Variants in PDE6A observed in about 807,000 individuals in gnomAD.
PDE6A encodes the protein phosphodiesterase 6A.
PDE6A carries 84 observed loss-of-function variants against 106.3 expected under a neutral mutation model. The observed-to-expected ratio is 0.79, with a 90% CI of 0.66 to 0.95. The LOEUF is 0.95. Among genes scored for constraint, PDE6A ranks in the 40% least tolerant of loss-of-function variants. PDE6A has a pLI of 0.00. For synonymous variants in PDE6A, 394 were observed against 386.6 expected, an observed-to-expected ratio of 1.02 and a Z score of -0.23; for missense variants, 1,052 against 1,084.9, an observed-to-expected ratio of 0.97 and a Z score of 0.43.
chr5:149,906,088 G>T (rs1237159106), intron 7 of PDE6A, among the ~76,000 whole-genome samples: 4 of 151,804 alleles, frequency 2.6e-5, no homozygotes, highest in Non-Finnish European at 4.4e-5. Flanking sequence ...AAACTCCTGG[G>T]CTCAAGTGAT....
In PDE6A at chr5:149,944,777, T is replaced by C. The variant is rs1754421401; in HGVS notation, c.-104A>G. On this transcript the variant is annotated 5_prime_UTR_variant, in exon 1 of 22. Transcript: ENST00000255266. ...GTCCAGTCTGGACTTCTCTGGGTCT[T>C]GTCTGCAAAACATACTGAGATGGCC... 3 of 863,888 alleles carry C rather than the reference T, an allele frequency of 3.5e-6. No homozygotes were observed. The highest frequency in any genetic ancestry group is 2.0e-5 in the Admixed American group (1 of 50,242). The allele number at this position is 863,888 out of a possible 1,614,324, so 53.5% of individuals were successfully genotyped here. A position where few individuals can be genotyped will look rare whatever the true frequency, so the allele number is the denominator to read the frequency against.
chr5:149,868,063 GC>G (rs755625234), intron 18 of PDE6A, 31 bp downstream of exon 18: 10 of 1,600,254 alleles, frequency 6.2e-6, no homozygotes, highest in Non-Finnish European at 8.6e-6. Context: ...GTACTGGGAT[GC>G]CCCTCCTCTT....
rs149256612 is a variant in PDE6A, at chr5:149,944,218, G to T, written c.456C>A (p.Asn152Lys). Residue 152 changes from asparagine to lysine, a missense_variant, in exon 1 of 22, where the codon AAC becomes AAA. Transcript: ENST00000255266. ...AGAGTACCTCCTCTGTGTTGGGGAC[G>T]TTAGCAATCTTCTTAGAGTGTGCGA... ...GHVAHSKKIA[N>K]VPNTEEDEHF... The T allele has an allele frequency of 1.9e-6, 3 of 1,613,396 alleles. No individual in the cohort carries two copies. Among genetic ancestry groups the T allele is most frequent in the Non-Finnish European group, 2.5e-6 (3 of 1,179,716 alleles).
chr5:149,923,555 TAACATAACATAACATAACATAACA>T (rs201447314), intron 4 of PDE6A, among the ~76,000 whole-genome samples: 6,673 of 110,390 alleles, frequency 0.06, 348 homozygotes, highest in African/African-American at 0.17. Context: ...TAACATAACA[TAACATAACATAACATAACATAACA>T]AACAACAACA....
chr5:149,884,893 T>C lies in PDE6A; in HGVS notation c.1839-26A>G, dbSNP rs762451790. The stretch of plus-strand genomic sequence containing the variant: ...CTGAATGAGAAAGAGAGAGAATCAA[T>C]ATGGAGTGGACAATAGAAAATTAGG... On this transcript the variant is annotated intron_variant, in intron 14 of 21. Coordinates refer to ENST00000255266, the MANE Select transcript of PDE6A (RefSeq NM_000440.3). 1.9e-6 allele frequency: 3 copies of C among 1,549,662 alleles called. No homozygotes were observed. In the East Asian group the frequency reaches 6.7e-5, roughly 35 times the overall value.
intron 8 of PDE6A, among the ~76,000 whole-genome samples, chr5:149,901,935 G>T (rs1752994061): frequency 6.6e-6 from 1 of 151,992 alleles, no homozygotes; most frequent in Non-Finnish European, 1.5e-5. Context: ...GTTTAGCCTA[G>T]CATGCTAAAC....
rs1752879490 is a variant in PDE6A, at chr5:149,899,375, C to T, written c.1263G>A (p.Glu421=). Residue 421 remains glutamate, a splice_region_variant and synonymous_variant, in exon 9 of 22, where the codon GAG becomes GAA. Coordinates refer to ENST00000255266, the MANE Select transcript of PDE6A (RefSeq NM_000440.3). ...CAAAAGGCCTCCTAGCAAGCCATAC[C>T]TCCATGAGCGTCTCATCCATTTCAT... ...PFDEMDETLM[E]SLTQFLGWSV... 2 of 1,614,172 alleles carry T rather than the reference C, an allele frequency of 1.2e-6. No homozygotes were observed. Among genetic ancestry groups the T allele is most frequent in the Non-Finnish European group, 8.5e-7 (1 of 1,180,014 alleles).
Position 149,932,650 on chromosome 5 carries a change from T to A in PDE6A, c.717+1280A>T. The A allele has an allele frequency of 5.6e-6, 9 of 1,613,482 alleles. No individual in the cohort carries two copies. The South Asian group carries it at 9.9e-5, about 18-fold the overall frequency. ...TCAGTATATTCCATTTCGTACGAAT[T>A]CGACTAATTTCTGCCATCTCAGCAG... On this transcript the variant is annotated intron_variant, in intron 3 of 21. Transcript: ENST00000255266.
rs2244836 is a variant in PDE6A at position 149,896,810 on chromosome 5, T to C, written c.1408-34A>G. On this transcript the variant is annotated intron_variant, in intron 10 of 21. Transcript: ENST00000255266. ...ACCCAAAATGGCAGGGGAAAAAAAA[T>C]AGGTTACAACATGCCTCCGCGTTTC... 0.32 allele frequency: 520,155 copies of C among 1,611,290 alleles called. 85,458 individuals carry two copies. The highest frequency in any genetic ancestry group is 0.42 in the South Asian group (38,311 of 91,040).
At chr5:149,907,565 G>A (rs1753239053) in intron 6 of PDE6A, among the ~76,000 whole-genome samples, 187 bp from the exon 7 acceptor site, 1 of 152,082 alleles carries the variant, frequency 6.6e-6, no homozygotes, top group African/African-American at 2.4e-5. Context: ...ATGGAGAAAG[G>A]GTGGCAAATA....
intron 2 of PDE6A, 40 bp downstream of exon 2, chr5:149,934,526 G>A (rs763510589): frequency 6.2e-7 from 1 of 1,606,668 alleles, no homozygotes; most frequent in Non-Finnish European, 8.5e-7. Flanking sequence ...CTGGGAGAAT[G>A]TGCTAGCATG....
At position 149,896,747 on chromosome 5, in the gene PDE6A, T is replaced by C. The variant is rs2113587986; in HGVS notation, c.1437A>G (p.Pro479=). ...CCAGCTCCTCTTCCTCACACTCCCA[T>C]GGCTCCTTCCCATACACCTCTCTGG... The part of the protein sequence containing the change: ...LKTREVYGKE[P]WECEEEELAE... Residue 479 remains proline (P), a synonymous_variant, in exon 11 of 22, where the codon CCA becomes CCG. Coordinates refer to ENST00000255266, the MANE Select transcript of PDE6A (RefSeq NM_000440.3). 1 of 1,614,114 alleles carries C rather than the reference T, an allele frequency of 6.2e-7. No homozygotes were observed.
chr5:149,911,925 G>A (rs57066704), intron 6 of PDE6A, among the ~76,000 whole-genome samples: 2,423 of 151,762 alleles, frequency 0.016, 70 homozygotes, highest in African/African-American at 0.056. Flanking sequence ...AGGTAGAGGT[G>A]AGAGGATCGC....
chr5:149,934,158 C>G (rs1754121756), intron 2 of PDE6A, 139 bp from the exon 3 acceptor site: 2 of 688,566 alleles, frequency 2.9e-6, no homozygotes, highest in Non-Finnish European at 2.6e-6. Flanking sequence ...AGAATGCAGA[C>G]TCATAAGATG....
chr5:149,929,551 G>A (rs959085111), intron 4 of PDE6A, among the ~76,000 whole-genome samples: 1 of 152,014 alleles, frequency 6.6e-6, no homozygotes, highest in Admixed American at 6.6e-5. Flanking sequence ...AACTTGCAGT[G>A]AGCCGAGATT....
intron 1 of PDE6A, among the ~76,000 whole-genome samples, chr5:149,942,092 G>A (rs1447331956): frequency 1.3e-5 from 2 of 152,066 alleles, no homozygotes; most frequent in Non-Finnish European, 2.9e-5. Context: ...CTCCAGAGTA[G>A]ACAGGACCAC....
intron 3 of PDE6A, chr5:149,932,330 G>A (rs1754058604): frequency 7.0e-7 from 1 of 1,428,086 alleles, no homozygotes; most frequent in Non-Finnish European, 9.9e-7. Flanking sequence ...CATTTTGAGG[G>A]GTTGTAGGAG....
chr5:149,873,332 C>CTTT (rs527562371), intron 17 of PDE6A, among the ~76,000 whole-genome samples: 3 of 137,296 alleles, frequency 2.2e-5, no homozygotes, highest in South Asian at 4.7e-4. Context: ...ATGAGATACT[C>CTTT]TTTTTTTTTT....
chr5:149,934,835 G>A (rs1006021669), intron 1 of PDE6A, 117 bp from the exon 2 acceptor site: 11 of 956,968 alleles, frequency 1.1e-5, no homozygotes, highest in South Asian at 6.7e-5. Context: ...TCTTCAACAG[G>A]GGCAGGGAAA....
Sources: allele counts gnomAD v4.1 joint callset (sites outside exome capture counted in the v4.1 genomes callset), GRCh38; gene constraint gnomAD v4.1.1; transcripts MANE v1.5; gene names NCBI Gene and HGNC (gene_info 2026-07-23, HGNC 2026-07-21).